The following PLAGL1 variants were observed in gnomAD, a reference collection of about 807,000 sequenced individuals.
PLAGL1 encodes zinc finger protein PLAGL1.
PLAGL1 carries 1 observed loss-of-function variant against 4.6 expected under a neutral mutation model. That is an observed-to-expected ratio of 0.22 (90% confidence interval 0.08 to 1.03). The LOEUF is 1.03. Among genes scored for constraint, PLAGL1 ranks in the 50% least tolerant of loss-of-function variants. PLAGL1 has a pLI of 0.58. For synonymous variants in PLAGL1, 240 were observed against 237.8 expected (o/e 1.01, Z -0.08); for missense variants, 464 against 570.4 (o/e 0.81, Z 1.90).
intron 1 of PLAGL1, among the ~76,000 whole-genome samples, chr6:143,987,810 A>C (rs1583458289): frequency 6.6e-6 from 1 of 152,174 alleles, no homozygotes; most frequent in East Asian, 1.9e-4. Context: ...GGCAGATGGT[A>C]ACCTTAATTT....
At position 144,036,882 on chromosome 6, in the gene PLAGL1, G is replaced by A; in HGVS notation, c.-151+27586C>T. The A allele has an allele frequency of 1.5e-5, 4 of 268,744 alleles. No individual in the cohort carries two copies. The highest frequency in any genetic ancestry group is 4.6e-5 in the Admixed American group (1 of 21,948). The allele number at this position is 268,744 out of a possible 1,614,324, so 16.6% of individuals were successfully genotyped here. On this transcript the variant is annotated intron_variant, in intron 1 of 3. Coordinates refer to the PLAGL1 transcript ENST00000437412. This position sits in a 1 kb window ranked among gnomAD's most constrained non-coding sequence, Gnocchi z 5.1. Reference sequence around the variant, plus strand: ...CCCCTAATGGTTTGTTCTTGGTGTTGGACAAATCATAAAAGGACCAGACAT... The same window carrying A: ...CCCCTAATGGTTTGTTCTTGGTGTTAGACAAATCATAAAAGGACCAGACAT...
chr6:144,060,370 A>G (rs1003404426), intron 1 of PLAGL1, among the ~76,000 whole-genome samples: 10 of 152,210 alleles, frequency 6.6e-5, no homozygotes, highest in African/African-American at 2.2e-4. Context: ...TTTAGCATTT[A>G]TATTTATTTC....
rs1797549672 is a variant in PLAGL1 at position 144,039,487 on chromosome 6, G to A, written c.-151+24981C>T. Reference sequence around the variant, plus strand: ...TGTAATCCCAGCTACTCAAGAGGCTGAGACACGAGAATTGCTTGAACCTGG... The same window carrying A: ...TGTAATCCCAGCTACTCAAGAGGCTAAGACACGAGAATTGCTTGAACCTGG... On this transcript the variant is annotated intron_variant, in intron 1 of 3. Coordinates refer to the PLAGL1 transcript ENST00000437412. This position sits in a 1 kb window ranked among gnomAD's most constrained non-coding sequence, Gnocchi z 4.1. Among the ~76,000 whole-genome samples the A allele has an allele frequency of 6.6e-6, 1 of 152,172 alleles. No homozygotes were observed. The highest frequency in any genetic ancestry group is 2.4e-5 in the African/African-American group (1 of 41,428).
At position 143,968,025 on chromosome 6, in the gene PLAGL1, G is replaced by T. The variant is rs1784771649; in HGVS notation, c.-472+882C>A. ...AAAAAAAAAAAAAAAAAAACAGTCT[G>T]GAGAGAGGCCAAGAGTTATGGTTAA... is the stretch of plus-strand genomic sequence containing the variant. On this transcript the variant is annotated intron_variant, in intron 3 of 7. Transcript: ENST00000674357. This position sits in a 1 kb window ranked among gnomAD's most constrained non-coding sequence, Gnocchi z 6.3. 1 of 142,608 alleles carries T rather than the reference G, an allele frequency of 7.0e-6. No individual in the cohort carries two copies. The highest frequency in any genetic ancestry group is 1.5e-5 in the Non-Finnish European group (1 of 65,306). 8.8% of individuals were successfully genotyped at this position (142,608 alleles called of 1,614,324 possible).
At chr6:144,044,291 T>C (rs1333849618) in intron 1 of PLAGL1, among the ~76,000 whole-genome samples, 1 of 152,250 alleles carries the variant, frequency 6.6e-6, no homozygotes, top group East Asian at 1.9e-4. Flanking sequence ...TTTAGATCTT[T>C]CCTGCTTTGT....
rs1795509077 is a variant in PLAGL1 at position 144,015,541 on chromosome 6, A to G, written c.-150-46563T>C. 6.6e-6 allele frequency among the ~76,000 whole-genome samples: 1 copy of G among 152,254 alleles called. No individual in the cohort carries two copies. Among genetic ancestry groups the G allele is most frequent in the African/African-American group, 2.4e-5 (1 of 41,470 alleles). ...TGCATATATCTGACATAGGACTTGC[A>G]CTAAAATATTTGAAGAACCCAATAA... On this transcript the variant is annotated intron_variant, in intron 1 of 3. Coordinates refer to the PLAGL1 transcript ENST00000437412. The surrounding 1 kb of genome is among the most constrained non-coding windows in gnomAD (Gnocchi z 4.3).
chr6:144,046,496 G>T (rs1033135162), intron 1 of PLAGL1, among the ~76,000 whole-genome samples: 1 of 152,188 alleles, frequency 6.6e-6, no homozygotes, highest in Non-Finnish European at 1.5e-5. Context: ...GACCCTGTTT[G>T]CCTGGGTGTC....
chr6:144,047,752 G>C (rs931881946), intron 1 of PLAGL1, among the ~76,000 whole-genome samples: 2 of 152,078 alleles, frequency 1.3e-5, no homozygotes, highest in Non-Finnish European at 2.9e-5. Context: ...ATTTGGGTGG[G>C]AACACAAATT....
chr6:144,033,426 G>C (rs1796978252), intron 1 of PLAGL1, among the ~76,000 whole-genome samples: 1 of 152,206 alleles, frequency 6.6e-6, no homozygotes, highest in African/African-American at 2.4e-5. Flanking sequence ...GGAAAGCCTT[G>C]GAATTGGGGA....
At position 144,054,750 on chromosome 6, in the gene PLAGL1, TAAAAGA is replaced by T. The variant is rs139886289; in HGVS notation, c.-151+9712_-151+9717del. ...CGTTGTACCCATGTATCCCGGAGCA[TAAAAGA>T]AAAAGAAAAACTAAAAAAGAGTGTG... On this transcript the variant is annotated intron_variant, in intron 1 of 3. Coordinates refer to the PLAGL1 transcript ENST00000437412. Among the ~76,000 whole-genome samples the T allele has an allele frequency of 8.6e-3, 1,277 of 148,046 alleles. 68 individuals carry two copies. The East Asian group carries it at 0.15, about 17-fold the overall frequency.
At chr6:144,051,144 C>T (rs2017220238) in intron 1 of PLAGL1, among the ~76,000 whole-genome samples, 1 of 152,166 alleles carries the variant, frequency 6.6e-6, no homozygotes, top group Non-Finnish European at 1.5e-5. Flanking sequence ...AGGAAATCAC[C>T]TCAATTACGT....
chr6:143,942,526 C>T lies in PLAGL1; in HGVS notation c.290G>A (p.Gly97Glu). 6.2e-7 allele frequency: 1 copy of T among 1,614,116 alleles called. No individual in the cohort carries two copies. The highest frequency in any genetic ancestry group is 8.5e-7 in the Non-Finnish European group (1 of 1,180,024). ...GCCCAGCATGGTGTTGTACTTCTTC[C>T]CACACTCCTCACACCCAAAGGCCAT... ...NKMAFGCEECGKKYNTMLGYK... is the reference protein window; with the variant it reads ...NKMAFGCEECEKKYNTMLGYK... Residue 97 changes from glycine to glutamate, a missense_variant, in exon 8 of 8, where the codon GGG (glycine) becomes GAG (glutamate). Gly to Glu is a moderately conservative substitution (Grantham distance 98). Coordinates refer to ENST00000674357, the MANE Select transcript of PLAGL1 (RefSeq NM_001317162.2). The surrounding 1 kb of genome is among the most constrained non-coding windows in gnomAD (Gnocchi z 7.6).
intron 1 of PLAGL1, among the ~76,000 whole-genome samples, chr6:144,002,883 C>CTTTTTT (rs34276412): frequency 6.9e-6 from 1 of 144,038 alleles, no homozygotes; most frequent in Non-Finnish European, 1.5e-5. Flanking sequence ...TTCTGGTAGG[C>CTTTTTT]TTTTTTTTTT....
chr6:144,041,650 C>A (rs928943207), intron 1 of PLAGL1, among the ~76,000 whole-genome samples: 1 of 152,134 alleles, frequency 6.6e-6, no homozygotes, highest in Admixed American at 6.6e-5. Context: ...CATACAATAT[C>A]TGCATGTGTC....
At position 143,986,690 on chromosome 6, in the gene PLAGL1, C is replaced by T. The variant is rs182700633; in HGVS notation, c.-583-1516G>A. Among the ~76,000 whole-genome samples the T allele has an allele frequency of 8.5e-5, 13 of 152,282 alleles. 1 individual carries two copies. The East Asian group carries it at 2.1e-3, about 25-fold the overall frequency. On this transcript the variant is annotated intron_variant, in intron 1 of 7. Coordinates refer to ENST00000674357, the MANE Select transcript of PLAGL1 (RefSeq NM_001317162.2). ...TAGGTTTATTAGCTTAATAATATAG[C>T]ATTATTACTGAGGACTAATATTCTC...
At chr6:143,993,925 G>A (rs1791093028) in intron 1 of PLAGL1, among the ~76,000 whole-genome samples, 1 of 151,964 alleles carries the variant, frequency 6.6e-6, no homozygotes, top group African/African-American at 2.4e-5. Flanking sequence ...AAGACTATCA[G>A]CTGAAGTCTT....
In PLAGL1 at chr6:143,971,257, G is replaced by A. The variant is rs142128547; in HGVS notation, c.-543-2279C>T. On this transcript the variant is annotated intron_variant, in intron 2 of 7. Coordinates refer to ENST00000674357, the MANE Select transcript of PLAGL1 (RefSeq NM_001317162.2). This position sits in a 1 kb window ranked among gnomAD's most constrained non-coding sequence, Gnocchi z 4.7. Reference sequence around the variant, plus strand: ...CCCATACAAATGCCCCTTCCTCTACGAGATTCCTCCCGCAATTCACAAATG... The same window carrying A: ...CCCATACAAATGCCCCTTCCTCTACAAGATTCCTCCCGCAATTCACAAATG... Among the ~76,000 whole-genome samples the A allele has an allele frequency of 5.5e-4, 84 of 152,140 alleles. No homozygotes were observed. The highest frequency in any genetic ancestry group is 2.0e-3 in the African/African-American group (82 of 41,508).
rs1788865848 is a variant in PLAGL1 at position 143,985,720 on chromosome 6, G to C, written c.-583-546C>G. Among the ~76,000 whole-genome samples the C allele has an allele frequency of 6.6e-6, 1 of 151,702 alleles. No individual in the cohort carries two copies. Among genetic ancestry groups the C allele is most frequent in the Non-Finnish European group, 1.5e-5 (1 of 67,960 alleles). On this transcript the variant is annotated intron_variant, in intron 1 of 7. Coordinates refer to ENST00000674357, the MANE Select transcript of PLAGL1 (RefSeq NM_001317162.2). The surrounding 1 kb of genome is among the most constrained non-coding windows in gnomAD (Gnocchi z 4.4). The stretch of plus-strand genomic sequence containing the variant: ...TTTAGTTTAAGGAATACCTTCTCCA[G>C]GGAGAAGTTTTTCTCATTGTTAGCA...
At chr6:143,981,979 T>C (rs1318047198) in intron 2 of PLAGL1, among the ~76,000 whole-genome samples, 3 of 152,152 alleles carry the variant, frequency 2.0e-5, no homozygotes. Context: ...ATTTATTGAG[T>C]GGTTGTTTTT....
Sources: allele counts gnomAD v4.1 joint callset (sites outside exome capture counted in the v4.1 genomes callset), GRCh38; gene constraint gnomAD v4.1.1; non-coding constraint Gnocchi (gnomAD v3.1); transcripts MANE v1.5; gene names NCBI Gene and HGNC (gene_info 2026-07-23, HGNC 2026-07-21).